GLIPR1L2: variants seen among roughly 807,000 people sequenced by gnomAD.
The protein encoded by GLIPR1L2 is GLIPR1-like protein 2.
Under a neutral mutation model 28.4 loss-of-function variants are expected in GLIPR1L2, and 21 were observed. The observed-to-expected ratio is 0.74, with a 90% CI of 0.52 to 1.06. The LOEUF (loss-of-function observed/expected upper bound fraction) is 1.06, where lower values mean the gene tolerates loss of function less well. GLIPR1L2 is among the 50% of genes least tolerant of loss of function. The probability of loss-of-function intolerance (pLI) is 0.00; values close to 1 mark genes in which losing one functional copy is unlikely to be tolerated. For synonymous variants in GLIPR1L2, 145 were observed against 139.3 expected, an observed-to-expected ratio of 1.04 and a Z score of -0.29; for missense variants, 476 against 416.9, an observed-to-expected ratio of 1.14 and a Z score of -1.23.
intron 1 of GLIPR1L2, 125 bp downstream of exon 1, chr12:75,391,475 G>T: frequency 1.3e-6 from 2 of 1,555,504 alleles, no homozygotes; most frequent in Non-Finnish European, 1.7e-6. Flanking sequence ...TTTTAGCTTG[G>T]TTTTTAAAGT....
chr12:75,425,975 T>C lies in GLIPR1L2; in HGVS notation c.670+2986T>C, dbSNP rs547846088. ...GTGTATATATACACAGATAAAACTATAACTATGGACTCAGTTTCAACATGT... is the reference window on the plus strand; with the variant it reads ...GTGTATATATACACAGATAAAACTACAACTATGGACTCAGTTTCAACATGT... On this transcript the variant is annotated intron_variant, in intron 4 of 5. Transcript: ENST00000550916. Among the ~76,000 whole-genome samples, 6 of 152,272 alleles carry C rather than the reference T, an allele frequency of 3.9e-5. No individual in the cohort carries two copies. The East Asian group carries it at 9.6e-4, about 24-fold the overall frequency.
chr12:75,399,555 A>T (rs1262816276), intron 1 of GLIPR1L2, among the ~76,000 whole-genome samples: 1 of 152,114 alleles, frequency 6.6e-6, no homozygotes, highest in African/African-American at 2.4e-5. Flanking sequence ...GTGAATAAGG[A>T]TCTGTTAGTA....
intron 4 of GLIPR1L2, among the ~76,000 whole-genome samples, chr12:75,429,700 G>A (rs949291938): frequency 6.6e-6 from 1 of 152,094 alleles, no homozygotes; most frequent in Non-Finnish European, 1.5e-5. Context: ...CTGGTGGGAG[G>A]TGATTGGATC....
intron 4 of GLIPR1L2, chr12:75,423,887 G>T (rs1238822283): frequency 6.6e-6 from 1 of 152,202 alleles, no homozygotes; most frequent in East Asian, 1.9e-4. Flanking sequence ...TCCCTGAAAA[G>T]GAAATGAACT....
intron 3 of GLIPR1L2, among the ~76,000 whole-genome samples, chr12:75,414,064 T>A (rs2045900195): frequency 6.6e-6 from 1 of 152,048 alleles, no homozygotes; most frequent in Non-Finnish European, 1.5e-5. Context: ...TTCATGAATA[T>A]GTCAGTTTTG....
At chr12:75,423,528 G>A (rs2046000638) in intron 4 of GLIPR1L2, 1 of 742,874 alleles carries the variant, frequency 1.3e-6, no homozygotes, top group Middle Eastern at 6.8e-4. Context: ...AGAGGAATAT[G>A]GTAGGAGATA....
At chr12:75,428,882 A>G (rs2046062004) in intron 4 of GLIPR1L2, among the ~76,000 whole-genome samples, 1 of 152,276 alleles carries the variant, frequency 6.6e-6, no homozygotes, top group African/African-American at 2.4e-5. Context: ...TTAGGCTTGC[A>G]GGTGCATAGA....
chr12:75,412,485 A>G (rs1430324558), intron 2 of GLIPR1L2, among the ~76,000 whole-genome samples: 2 of 152,152 alleles, frequency 1.3e-5, no homozygotes, highest in African/African-American at 2.4e-5. Context: ...AATGAACTCA[A>G]ACAAATTTAC....
rs71078729 is a variant in GLIPR1L2, at chr12:75,398,328, C to CAAAA, written c.234+6998_234+7001dup. Among the ~76,000 whole-genome samples, 125 of 87,898 alleles carry CAAAA rather than the reference C, an allele frequency of 1.4e-3. 6 individuals carry two copies. The highest frequency in any genetic ancestry group is 6.0e-3 in the Middle Eastern group (1 of 166). The allele number at this position is 87,898 out of a possible 152,430, so 57.7% of individuals were successfully genotyped here. ...TGGGCGATAGAATGAGACTCCATCTCAAAAAAAAAAAAAAAAAAAAAAACT... is the reference window on the plus strand; with the variant it reads ...TGGGCGATAGAATGAGACTCCATCTCAAAAAAAAAAAAAAAAAAAAAAAAAAACT... On this transcript the variant is annotated intron_variant, in intron 1 of 5. Transcript: ENST00000550916.
At chr12:75,427,796 G>A (rs2046049202) in intron 4 of GLIPR1L2, among the ~76,000 whole-genome samples, 2 of 152,056 alleles carry the variant, frequency 1.3e-5, no homozygotes, top group Admixed American at 1.3e-4. Flanking sequence ...AAAGTGTTTG[G>A]CAGTTGCCCC....
At chr12:75,423,011 TG>T (rs761529889) in intron 4 of GLIPR1L2, 22 bp downstream of exon 4, 2 of 1,607,434 alleles carry the variant, frequency 1.2e-6, no homozygotes, top group African/African-American at 2.7e-5. Flanking sequence ...AAAATAAACA[TG>T]AAAAAAATGC....
Position 75,430,970 on chromosome 12 carries a change from T to C in GLIPR1L2, c.844T>C (p.Leu282=). 6.5e-7 allele frequency: 1 copy of C among 1,535,288 alleles called. No individual in the cohort carries two copies. Among genetic ancestry groups the C allele is most frequent in the Non-Finnish European group, 8.7e-7 (1 of 1,146,380 alleles). The change falls in exon 6 of 6, where the codon TTG becomes CTG. Residue 282 remains leucine (L), a synonymous_variant. Transcript: ENST00000550916. ...LIVQSQFPNI[L]LEQQMIFTPE... is the part of the protein sequence containing the mutation. ...AGTACAGTCTCAGTTTCCAAATATC[T>C]TGTTGGAACAACAAATGATATTTAC...
At chr12:75,423,420 A>C (rs1203586299) in intron 4 of GLIPR1L2, 16 of 947,470 alleles carry the variant, frequency 1.7e-5, no homozygotes, top group Non-Finnish European at 2.0e-5. Context: ...CAAAAGTAAA[A>C]AGTAGAAAAT....
chr12:75,428,947 A>G (rs1322582206), intron 4 of GLIPR1L2, among the ~76,000 whole-genome samples: 1 of 152,180 alleles, frequency 6.6e-6, no homozygotes, highest in Non-Finnish European at 1.5e-5. Context: ...ATGTTTGGAA[A>G]CACCTGGATG....
intron 1 of GLIPR1L2, among the ~76,000 whole-genome samples, chr12:75,397,217 G>A (rs1200047874): frequency 6.6e-6 from 1 of 151,486 alleles, no homozygotes; most frequent in Non-Finnish European, 1.5e-5. Flanking sequence ...AGATTTTTAT[G>A]ATATATTTAA....
chr12:75,424,386 G>A (rs894301328), intron 4 of GLIPR1L2, among the ~76,000 whole-genome samples: 11 of 152,074 alleles, frequency 7.2e-5, no homozygotes, highest in Non-Finnish European at 1.5e-4. Context: ...GTCTGTTCAT[G>A]TCCTTTGCCC....
intron 1 of GLIPR1L2, among the ~76,000 whole-genome samples, chr12:75,409,655 A>AAT (rs1001160374): frequency 1.4e-5 from 2 of 146,746 alleles, no homozygotes; most frequent in Non-Finnish European, 3.0e-5. Flanking sequence ...TTATATATAT[A>AAT]ATATATATGT....
At chr12:75,405,147 G>A (rs1449342607) in intron 1 of GLIPR1L2, among the ~76,000 whole-genome samples, 1 of 152,138 alleles carries the variant, frequency 6.6e-6, no homozygotes, top group African/African-American at 2.4e-5. Flanking sequence ...TGTATGAAAA[G>A]TTTACAAGGA....
At chr12:75,408,894 A>G (rs753148239) in intron 1 of GLIPR1L2, among the ~76,000 whole-genome samples, 1 of 151,974 alleles carries the variant, frequency 6.6e-6, no homozygotes, top group African/African-American at 2.4e-5. Flanking sequence ...TAAACAGGCA[A>G]TTTTTTTAAT....
Sources: allele counts gnomAD v4.1 joint callset (sites outside exome capture counted in the v4.1 genomes callset), GRCh38; gene constraint gnomAD v4.1.1; transcripts MANE v1.5; gene names NCBI Gene and HGNC (gene_info 2026-07-23, HGNC 2026-07-21).